The following PIP5K1B variants were observed in gnomAD, a reference collection of about 807,000 sequenced individuals.
PIP5K1B encodes the protein phosphatidylinositol-4-phosphate 5-kinase type 1 beta.
A neutral mutation model predicts 67.0 loss-of-function variants in PIP5K1B; 42 were observed. That is an observed-to-expected ratio of 0.63 (90% CI 0.49 to 0.81). The LOEUF (loss-of-function observed/expected upper bound fraction) is 0.81, where lower values mean the gene tolerates loss of function less well. Ranked by LOEUF, PIP5K1B falls within the 30% of genes least tolerant of loss-of-function variation. The pLI, the probability that PIP5K1B is intolerant of heterozygous loss-of-function variation, is 0.00. For missense variants in PIP5K1B, 459 were observed against 646.3 expected (o/e 0.71, Z 3.14); for synonymous variants, 214 against 231.4 (o/e 0.92, Z 0.68).
rs113932277 is a variant in PIP5K1B, at chr9:68,822,807, A to G, written c.69+124A>G. The G allele has an allele frequency of 1.7e-4, 122 of 698,876 alleles. No homozygotes were observed. In the African/African-American group the frequency reaches 1.8e-3, roughly 10 times the overall value. 43.3% of individuals were successfully genotyped at this position (698,876 alleles called of 1,614,324 possible). A position where few individuals can be genotyped will look rare whatever the true frequency, so the allele number is the denominator to read the frequency against. On this transcript the variant is annotated intron_variant, in intron 4 of 15. Coordinates refer to ENST00000265382, the MANE Select transcript of PIP5K1B (RefSeq NM_003558.4). ...ACTATCTTAGTTTCCAGTTGCTGCTATAACTAATTACTGCAAATTTAGTGG... is the reference window on the plus strand; with the variant it reads ...ACTATCTTAGTTTCCAGTTGCTGCTGTAACTAATTACTGCAAATTTAGTGG...
At position 68,925,795 on chromosome 9, in the gene PIP5K1B, A is replaced by ATTTTTTTTTTTTTTTTTTTTTTT. The variant is rs71353094; in HGVS notation, c.1201+2429_1201+2430insTTTTTTTTTTTTTTTTTTTTTTT. Among the ~76,000 whole-genome samples, 39 of 73,276 alleles carry ATTTTTTTTTTTTTTTTTTTTTTT rather than the reference A, an allele frequency of 5.3e-4. 9 individuals are homozygous for ATTTTTTTTTTTTTTTTTTTTTTT. Among genetic ancestry groups the ATTTTTTTTTTTTTTTTTTTTTTT allele is most frequent in the East Asian group, 3.2e-3 (5 of 1,572 alleles). 48.1% of individuals were successfully genotyped at this position (73,276 alleles called of 152,430 possible). A position where few individuals can be genotyped will look rare whatever the true frequency, so the allele number is the denominator to read the frequency against. ...ACATGAATACCAGCTTGTGGTTCCA[A>ATTTTTTTTTTTTTTTTTTTTTTT]TTTTTTTTTTTTTTTTTTTTGAGAC... On this transcript the variant is annotated intron_variant, in intron 12 of 15. Coordinates refer to ENST00000265382, the MANE Select transcript of PIP5K1B (RefSeq NM_003558.4).
At chr9:68,788,659 C>A in intron 2 of PIP5K1B, 1 of 244,442 alleles carries the variant, frequency 4.1e-6, no homozygotes. Flanking sequence ...AATAGCATCT[C>A]TGTGACTGGG....
At chr9:68,771,772 G>A (rs970718771) in intron 2 of PIP5K1B, among the ~76,000 whole-genome samples, 1 of 152,108 alleles carries the variant, frequency 6.6e-6, no homozygotes, top group Admixed American at 6.5e-5. Flanking sequence ...TTCAAAAGGA[G>A]AGTGAAGAAA....
intron 13 of PIP5K1B, among the ~76,000 whole-genome samples, chr9:68,938,800 C>A (rs1004017136): frequency 6.6e-6 from 1 of 152,242 alleles, no homozygotes; most frequent in Admixed American, 6.5e-5. Flanking sequence ...CCATGTTTAG[C>A]CCTGGGGTCC....
At position 68,986,488 on chromosome 9, in the gene PIP5K1B, T is replaced by C. The variant is rs1830100355; in HGVS notation, c.1503-4652T>C. Among the ~76,000 whole-genome samples the C allele has an allele frequency of 2.0e-5, 3 of 152,310 alleles. No homozygotes were observed. In the South Asian group the frequency reaches 6.2e-4, roughly 32 times the overall value. ...GTTCTTTATATAATCTGGATACATGTCTCGATGAGCCTCATTTTTGTCACC... is the reference window on the plus strand; with the variant it reads ...GTTCTTTATATAATCTGGATACATGCCTCGATGAGCCTCATTTTTGTCACC... On this transcript the variant is annotated intron_variant, in intron 14 of 15. Coordinates refer to ENST00000265382, the MANE Select transcript of PIP5K1B (RefSeq NM_003558.4).
In PIP5K1B at chr9:68,917,822, A is replaced by T. The variant is rs867690495; in HGVS notation, c.983+63A>T. ...TGGCAGCCCACGTCACTGGGTAATT[A>T]TAGACAGTCACATTCACCTTAGGGT... On this transcript the variant is annotated intron_variant, in intron 9 of 15. Transcript: ENST00000265382. 4.3e-5 allele frequency: 51 copies of T among 1,190,758 alleles called. No individual in the cohort carries two copies. In the Middle Eastern group the frequency reaches 2.1e-3, roughly 48 times the overall value. The allele number at this position is 1,190,758 out of a possible 1,614,324, so 73.8% of individuals were successfully genotyped here.
intron 10 of PIP5K1B, 47 bp from the exon 11 acceptor site, chr9:68,919,634 T>C: frequency 7.1e-7 from 1 of 1,411,602 alleles, no homozygotes; most frequent in Non-Finnish European, 1.0e-6. Flanking sequence ...AATCACCAAA[T>C]GAGAGTGATT....
intron 14 of PIP5K1B, among the ~76,000 whole-genome samples, chr9:68,976,835 A>C (rs2132862388): frequency 6.6e-6 from 1 of 152,014 alleles, no homozygotes; most frequent in East Asian, 1.9e-4. Flanking sequence ...TCACTCACCC[A>C]CCACTCACCT....
chr9:68,893,777 AG>A (rs1216429363), intron 7 of PIP5K1B, among the ~76,000 whole-genome samples: 1 of 152,230 alleles, frequency 6.6e-6, no homozygotes, highest in African/African-American at 2.4e-5. Context: ...ATTATCTTTA[AG>A]GTGACTAAAA....
At chr9:68,980,602 G>T (rs1395528335) in intron 14 of PIP5K1B, among the ~76,000 whole-genome samples, 1 of 152,114 alleles carries the variant, frequency 6.6e-6, no homozygotes, top group Non-Finnish European at 1.5e-5. Context: ...TCTTTCTCTT[G>T]TACTATCCAA....
At chr9:68,895,385 T>C (rs1250743672) in intron 8 of PIP5K1B, among the ~76,000 whole-genome samples, 2 of 151,988 alleles carry the variant, frequency 1.3e-5, no homozygotes, top group Non-Finnish European at 2.9e-5. Context: ...ATAATAATCA[T>C]GGGAGAACCG....
At chr9:68,747,434 GT>G in intron 2 of PIP5K1B, among the ~76,000 whole-genome samples, 1 of 151,768 alleles carries the variant, frequency 6.6e-6, no homozygotes, top group East Asian at 1.9e-4. Context: ...CCTTTATGCT[GT>G]CTTTTTGATG....
intron 8 of PIP5K1B, among the ~76,000 whole-genome samples, chr9:68,913,634 G>A (rs189755192): frequency 6.6e-6 from 1 of 151,950 alleles, no homozygotes; most frequent in East Asian, 1.9e-4. Flanking sequence ...TTTCTTAATC[G>A]ATGGTGATTT....
chr9:68,949,026 AG>A (rs1827932697), intron 14 of PIP5K1B, among the ~76,000 whole-genome samples: 1 of 152,094 alleles, frequency 6.6e-6, no homozygotes, highest in Non-Finnish European at 1.5e-5. Flanking sequence ...AAATCGATTT[AG>A]TTTATGGATA....
chr9:68,845,806 C>G (rs1415309123), intron 4 of PIP5K1B, among the ~76,000 whole-genome samples: 1 of 152,180 alleles, frequency 6.6e-6, no homozygotes, highest in East Asian at 1.9e-4. Flanking sequence ...AATGCTTAAT[C>G]CCAACTTGAA....
chr9:68,794,398 C>CTTTCTTTCTTTCTTTCT (rs1464795529), intron 2 of PIP5K1B, among the ~76,000 whole-genome samples: 3 of 150,330 alleles, frequency 2.0e-5, no homozygotes, highest in Non-Finnish European at 1.5e-5. Flanking sequence ...TCTTTTCTTT[C>CTTTCTTTCTTTCTTTCT]TTTCTTTCTT....
chr9:68,922,822 T>C (rs918231106), intron 11 of PIP5K1B, among the ~76,000 whole-genome samples: 1 of 152,222 alleles, frequency 6.6e-6, no homozygotes, highest in Non-Finnish European at 1.5e-5. Context: ...CACCTTGCTA[T>C]TGGGAGATGA....
At chr9:68,846,729 C>T (rs1000143136) in intron 4 of PIP5K1B, among the ~76,000 whole-genome samples, 5 of 152,094 alleles carry the variant, frequency 3.3e-5, no homozygotes, top group African/African-American at 9.7e-5. Flanking sequence ...TTTTCTATTT[C>T]GTAAATGTTA....
At chr9:68,987,144 C>T (rs1303877518) in intron 14 of PIP5K1B, among the ~76,000 whole-genome samples, 1 of 152,060 alleles carries the variant, frequency 6.6e-6, no homozygotes, top group Non-Finnish European at 1.5e-5. Flanking sequence ...CTCATTTACT[C>T]AGGAGGCTAA....
Sources: gnomAD v4.1 joint callset for allele counts (sites outside exome capture counted in the v4.1 genomes callset) on GRCh38, gnomAD v4.1.1 for gene constraint, MANE v1.5 for transcripts, NCBI Gene and HGNC (gene_info 2026-07-23, HGNC 2026-07-21) for gene names.